The following CLNK variants were observed in gnomAD, a reference collection of about 807,000 sequenced individuals.
The protein encoded by CLNK is cytokine-dependent hematopoietic cell linker.
Under a neutral mutation model 68.6 loss-of-function variants are expected in CLNK, and 74 were observed. The observed-to-expected ratio is 1.08, with a 90% CI of 0.89 to 1.31. The LOEUF (loss-of-function observed/expected upper bound fraction) is 1.31. Among genes scored for constraint, CLNK ranks in the 50% most tolerant of loss-of-function variants. The pLI, the probability that CLNK is intolerant of heterozygous loss-of-function variation, is 0.00. For synonymous variants in CLNK, 198 were observed against 172.2 expected (o/e 1.15, Z -1.17); for missense variants, 553 against 515.3 (o/e 1.07, Z -0.71).
At chr4:10,712,996 A>G in the CLNK span, among the ~76,000 whole-genome samples, 5 of 152,322 alleles carry the variant, frequency 3.3e-5, no homozygotes, top group South Asian at 1.0e-3. Flanking sequence ...CCCATTGCCC[A>G]CCAAGTTATG....
At position 10,561,123 on chromosome 4, in the gene CLNK, G is replaced by C. The variant is rs373489631; in HGVS notation, c.400-2671C>G. The stretch of plus-strand genomic sequence containing the variant: ...ACTATGTTACTCAGGCTGCTACTGA[G>C]CTCCTGGGCTGAAGCAATTCACCTA... On this transcript the variant is annotated intron_variant, in intron 7 of 18. Transcript: ENST00000226951. Among the ~76,000 whole-genome samples, 27 of 151,778 alleles carry C rather than the reference G, an allele frequency of 1.8e-4. No homozygotes were observed. The East Asian group carries it at 3.7e-3, about 21-fold the overall frequency.
At chr4:10,497,502 G>T (rs984096357) in intron 18 of CLNK, among the ~76,000 whole-genome samples, 2 of 152,208 alleles carry the variant, frequency 1.3e-5, no homozygotes, top group Non-Finnish European at 2.9e-5. Flanking sequence ...AGGGTTCCTT[G>T]GTGACAGTAA....
At chr4:10,527,554 GA>G (rs1292479173) in intron 13 of CLNK, among the ~76,000 whole-genome samples, 1 of 152,200 alleles carries the variant, frequency 6.6e-6, no homozygotes, top group East Asian at 1.9e-4. Context: ...GAAGAATGGA[GA>G]ACAGTATTTC....
intron 13 of CLNK, 38 bp downstream of exon 13, chr4:10,528,038 T>C: frequency 8.5e-7 from 1 of 1,181,940 alleles, no homozygotes; most frequent in Non-Finnish European, 1.1e-6. Context: ...ACCTAGTCTA[T>C]TAGTATTAGG....
chr4:10,535,224 A>AAAGAAAGAAAGAAAG (rs1209946297), intron 11 of CLNK, among the ~76,000 whole-genome samples: 3 of 80,852 alleles, frequency 3.7e-5, no homozygotes, highest in Non-Finnish European at 5.2e-5. Context: ...AGAAAGAAAG[A>AAAGAAAGAAAGAAAG]AAGAAAGAAA....
At chr4:10,687,215 A>C (rs1410587950), upstream of CLNK, among the ~76,000 whole-genome samples, 8 of 152,048 alleles carry the variant, frequency 5.3e-5, no homozygotes, top group Non-Finnish European at 1.2e-4. Context: ...AAAAAAAAAA[A>C]AAACTTGTCC....
chr4:10,537,718 TCTTTCTTTCTTTCTTTCTTC>T (rs1718849377), intron 11 of CLNK, among the ~76,000 whole-genome samples: 1 of 107,074 alleles, frequency 9.3e-6, no homozygotes, highest in Non-Finnish European at 1.9e-5. Flanking sequence ...TTTCTTTCTT[TCTTTCTTTCTTTCTTTCTTC>T]CTTTCTTTTT....
intron 2 of CLNK, among the ~76,000 whole-genome samples, chr4:10,645,153 A>T (rs1723460588): frequency 6.6e-6 from 1 of 152,230 alleles, no homozygotes; most frequent in Non-Finnish European, 1.5e-5. Flanking sequence ...CCTCTCTGGG[A>T]TTCCACTCCA....
chr4:10,550,917 C>G (rs762815676), intron 8 of CLNK, among the ~76,000 whole-genome samples: 3 of 152,130 alleles, frequency 2.0e-5, no homozygotes, highest in Non-Finnish European at 2.9e-5. Flanking sequence ...TGACTTGAAC[C>G]TAAGCACTGA....
At chr4:10,508,490 A>G (rs753299807) in intron 16 of CLNK, among the ~76,000 whole-genome samples, 1 of 152,192 alleles carries the variant, frequency 6.6e-6, no homozygotes, top group East Asian at 1.9e-4. Flanking sequence ...CCGCTGAGCT[A>G]TGATTCGGAT....
intron 12 of CLNK, among the ~76,000 whole-genome samples, chr4:10,529,289 A>C (rs1210273108): frequency 4.6e-5 from 7 of 152,142 alleles, no homozygotes; most frequent in African/African-American, 1.7e-4. Flanking sequence ...TATACCTTTC[A>C]TCAAATTTTC....
rs11378682 is a variant in CLNK at position 10,489,052 on chromosome 4, T to TG, written c.*1414_*1415insC. 1.3e-5 allele frequency: 1 copy of TG among 76,066 alleles called. No individual in the cohort carries two copies. The highest frequency in any genetic ancestry group is 3.0e-5 in the African/African-American group (1 of 32,960). The allele number at this position is 76,066 out of a possible 1,614,324, so 4.7% of individuals were successfully genotyped here. On this transcript the variant is annotated 3_prime_UTR_variant, in exon 19 of 19. Coordinates refer to ENST00000226951, the MANE Select transcript of CLNK (RefSeq NM_052964.4). The stretch of plus-strand genomic sequence containing the variant: ...TCTGTATTTTCAAATTGTTTCTATC[T>TG]TTCTCTCTCTCTCTCTCTTTTTTTT...
chr4:10,496,116 C>T (rs545246700), intron 18 of CLNK, among the ~76,000 whole-genome samples: 1 of 152,358 alleles, frequency 6.6e-6, no homozygotes, highest in African/African-American at 2.4e-5. Flanking sequence ...CCACTATTTA[C>T]ATCAACTCAT....
intron 2 of CLNK, among the ~76,000 whole-genome samples, chr4:10,617,770 G>C (rs1185391407): frequency 6.6e-6 from 1 of 152,184 alleles, no homozygotes; most frequent in East Asian, 1.9e-4. Flanking sequence ...TTCTTTGGCA[G>C]GCTCATTTTG....
At chr4:10,524,631 G>A (rs949969749) in intron 14 of CLNK, among the ~76,000 whole-genome samples, 4 of 152,210 alleles carry the variant, frequency 2.6e-5, no homozygotes, top group Non-Finnish European at 5.9e-5. Context: ...ACTGGCTACT[G>A]AACAGTGCTT....
chr4:10,674,266 C>A (rs1215520054), intron 1 of CLNK, among the ~76,000 whole-genome samples: 2 of 152,120 alleles, frequency 1.3e-5, no homozygotes, highest in Admixed American at 1.3e-4. Context: ...AGCCCAGGGT[C>A]CTCCAGGAGT....
chr4:10,656,824 G>T (rs1326957583), intron 2 of CLNK, among the ~76,000 whole-genome samples: 2 of 152,126 alleles, frequency 1.3e-5, no homozygotes, highest in Non-Finnish European at 2.9e-5. Context: ...TGACTGGAGA[G>T]TGTATAAATA....
At chr4:10,590,763 T>A (rs1476557272) in intron 3 of CLNK, among the ~76,000 whole-genome samples, 1 of 152,180 alleles carries the variant, frequency 6.6e-6, no homozygotes, top group Non-Finnish European at 1.5e-5. Context: ...GATGGAAAGT[T>A]TCTGCATTCA....
intron 2 of CLNK, among the ~76,000 whole-genome samples, chr4:10,608,919 C>T (rs1225473702): frequency 6.6e-6 from 1 of 152,190 alleles, no homozygotes; most frequent in Non-Finnish European, 1.5e-5. Flanking sequence ...CCTGTGGTAT[C>T]CTCACGTGGC....
Sources: allele counts gnomAD v4.1 joint callset (sites outside exome capture counted in the v4.1 genomes callset), GRCh38; gene constraint gnomAD v4.1.1; transcripts MANE v1.5; gene names NCBI Gene and HGNC (gene_info 2026-07-23, HGNC 2026-07-21).